RABEP1: variants seen among roughly 807,000 people sequenced by gnomAD.
RABEP1 encodes the protein rab GTPase-binding effector protein 1.
A neutral mutation model predicts 123.4 loss-of-function variants in RABEP1; 51 were observed. The ratio of observed to expected loss-of-function variants is 0.41; its 90% CI spans 0.33 to 0.52. The LOEUF is 0.52. Ranked by LOEUF, RABEP1 falls within the 20% of genes least tolerant of loss-of-function variation. The pLI, the probability that RABEP1 is intolerant of heterozygous loss-of-function variation, is 0.16. For missense variants in RABEP1, 888 were observed against 996.3 expected (o/e 0.89, Z 1.46); for synonymous variants, 347 against 355.2 (o/e 0.98, Z 0.26).
chr17:5,313,654 T>G (rs1425087287), intron 2 of RABEP1, among the ~76,000 whole-genome samples: 3 of 152,220 alleles, frequency 2.0e-5, no homozygotes, highest in Non-Finnish European at 4.4e-5. Flanking sequence ...TTGTTAAGAT[T>G]GCATTGATGC....
intron 5 of RABEP1, among the ~76,000 whole-genome samples, chr17:5,343,144 T>TG (rs1228155748): frequency 1.3e-5 from 2 of 151,940 alleles, no homozygotes; most frequent in Non-Finnish European, 2.9e-5. Context: ...CCCAGCTACT[T>TG]GGGGGGCTGA....
chr17:5,357,034 C>T (rs1909079161), intron 8 of RABEP1, among the ~76,000 whole-genome samples: 2 of 151,984 alleles, frequency 1.3e-5, no homozygotes, highest in Admixed American at 6.6e-5. Context: ...TGAGCCACCA[C>T]GCCAGGCTAA....
At chr17:5,354,911 C>T (rs896427065) in intron 8 of RABEP1, among the ~76,000 whole-genome samples, 13 of 152,242 alleles carry the variant, frequency 8.5e-5, no homozygotes, top group Middle Eastern at 3.4e-3. Context: ...TCATCCCTGA[C>T]GGCCATGGGT....
rs998520165 is a variant in RABEP1, at chr17:5,323,723, A to G, written c.164-8226A>G. On this transcript the variant is annotated intron_variant, in intron 2 of 17. Coordinates refer to ENST00000537505, the MANE Select transcript of RABEP1 (RefSeq NM_004703.6). Reference sequence around the variant, plus strand: ...CTAGGAATATATATATATATCTAGGAATATATATATATCTAGGAATATATA... The same window carrying G: ...CTAGGAATATATATATATATCTAGGGATATATATATATCTAGGAATATATA... 4.3e-5 allele frequency among the ~76,000 whole-genome samples: 3 copies of G among 69,242 alleles called. 1 individual carries two copies. The highest frequency in any genetic ancestry group is 2.7e-4 in the African/African-American group (3 of 11,080). 45.4% of individuals were successfully genotyped at this position (69,242 alleles called of 152,430 possible).
At chr17:5,289,477 C>T (rs1567862570) in intron 1 of RABEP1, among the ~76,000 whole-genome samples, 3 of 147,586 alleles carry the variant, frequency 2.0e-5, no homozygotes, top group African/African-American at 2.5e-5. Flanking sequence ...TGAGGAAGAC[C>T]TCCCCAACTC....
chr17:5,335,771 TTC>T (rs1458278925), intron 4 of RABEP1, among the ~76,000 whole-genome samples: 2 of 152,172 alleles, frequency 1.3e-5, no homozygotes, highest in African/African-American at 2.4e-5. Flanking sequence ...GAGTTTCTCT[TTC>T]TCTCTTTTTT....
chr17:5,359,992 T>G (rs1909358434), intron 8 of RABEP1, among the ~76,000 whole-genome samples: 1 of 152,210 alleles, frequency 6.6e-6, no homozygotes, highest in African/African-American at 2.4e-5. Flanking sequence ...AACATAAAAT[T>G]TAAAGTGTAC....
chr17:5,336,586 C>T, intron 4 of RABEP1: 1 of 401,002 alleles, frequency 2.5e-6, no homozygotes, highest in Non-Finnish European at 4.7e-6. Flanking sequence ...AATGACCTTT[C>T]TGTCATTTTT....
chr17:5,334,941 A>G (rs1906921032), intron 3 of RABEP1, among the ~76,000 whole-genome samples: 1 of 152,120 alleles, frequency 6.6e-6, no homozygotes, highest in South Asian at 2.1e-4. Flanking sequence ...AATCTTTCCT[A>G]AGGTTTTCTC....
chr17:5,356,085 G>A (rs1908988394), intron 8 of RABEP1, among the ~76,000 whole-genome samples: 1 of 152,174 alleles, frequency 6.6e-6, no homozygotes, highest in South Asian at 2.1e-4. Context: ...CTGGTGTTTT[G>A]CAGTTTGAAT....
At chr17:5,334,019 A>G (rs559885398) in intron 3 of RABEP1, among the ~76,000 whole-genome samples, 3 of 151,326 alleles carry the variant, frequency 2.0e-5, no homozygotes, top group Non-Finnish European at 4.4e-5. Context: ...GTGGAAATTA[A>G]TGGGCAATCA....
At chr17:5,375,358 C>G (rs1398762746) in intron 13 of RABEP1, among the ~76,000 whole-genome samples, 2 of 152,104 alleles carry the variant, frequency 1.3e-5, no homozygotes, top group East Asian at 1.9e-4. Flanking sequence ...CTTGGCAGAG[C>G]CTTCTTTCCT....
Position 5,282,498 on chromosome 17 carries a change from G to T in RABEP1, c.12G>T (p.Pro4=). 7.8e-7 allele frequency: 1 copy of T among 1,280,766 alleles called. No homozygotes were observed. Among genetic ancestry groups the T allele is most frequent in the Non-Finnish European group, 9.9e-7 (1 of 1,012,686 alleles). 79.3% of individuals were successfully genotyped at this position (1,280,766 alleles called of 1,614,324 possible). A position where few individuals can be genotyped will look rare whatever the true frequency, so the allele number is the denominator to read the frequency against. The change falls in exon 1 of 18, where the codon CCG becomes CCT. Residue 4 remains proline (P), a synonymous_variant. Coordinates refer to ENST00000537505, the MANE Select transcript of RABEP1 (RefSeq NM_004703.6). MAQ[P]GPASQPDVSL... is the part of the protein sequence containing the mutation. ...CCGGCCGCCTGGTCATGGCGCAGCC[G>T]GGCCCGGCTTCCCAGCCTGACGGTG...
At chr17:5,366,120 TC>T (rs1235372708) in intron 11 of RABEP1, among the ~76,000 whole-genome samples, 4 of 152,200 alleles carry the variant, frequency 2.6e-5, no homozygotes, top group African/African-American at 9.7e-5. Context: ...GTATGAGAGT[TC>T]CTGTGGTTCC....
At chr17:5,320,803 T>G (rs896261073) in intron 2 of RABEP1, among the ~76,000 whole-genome samples, 3 of 152,090 alleles carry the variant, frequency 2.0e-5, no homozygotes, top group African/African-American at 7.2e-5. Flanking sequence ...AGCAATGAAT[T>G]AAGACATACT....
intron 7 of RABEP1, among the ~76,000 whole-genome samples, chr17:5,352,876 T>C (rs1345454248): frequency 6.6e-6 from 1 of 152,086 alleles, no homozygotes; most frequent in Non-Finnish European, 1.5e-5. Flanking sequence ...ACTAAGATGA[T>C]CATTTAAAAC....
intron 5 of RABEP1, among the ~76,000 whole-genome samples, chr17:5,344,543 C>T (rs554206970): frequency 2.8e-4 from 42 of 151,816 alleles, no homozygotes; most frequent in African/African-American, 8.5e-4. Context: ...GAGGCCGAGG[C>T]GGGCGGATCA....
chr17:5,306,804 G>C (rs544986537), intron 1 of RABEP1, among the ~76,000 whole-genome samples: 1 of 152,070 alleles, frequency 6.6e-6, no homozygotes, highest in East Asian at 1.9e-4. Flanking sequence ...ATTTAATAAT[G>C]ACAGCTAACA....
At chr17:5,341,960 A>T (rs1013403036) in intron 5 of RABEP1, among the ~76,000 whole-genome samples, 3 of 152,256 alleles carry the variant, frequency 2.0e-5, no homozygotes, top group Non-Finnish European at 4.4e-5. Flanking sequence ...TAATGGTGGG[A>T]ACATTCTGGG....
Sources: gnomAD v4.1 joint callset for allele counts (sites outside exome capture counted in the v4.1 genomes callset) on GRCh38, gnomAD v4.1.1 for gene constraint, MANE v1.5 for transcripts, NCBI Gene and HGNC (gene_info 2026-07-23, HGNC 2026-07-21) for gene names.